FRMPD2: variants seen among roughly 807,000 people sequenced by gnomAD.
The protein encoded by FRMPD2 is FERM and PDZ domain-containing protein 2.
A neutral mutation model predicts 140.1 loss-of-function variants in FRMPD2; 96 were observed. The ratio of observed to expected loss-of-function variants is 0.69; its 90% confidence interval spans 0.58 to 0.81. The LOEUF (loss-of-function observed/expected upper bound fraction) is 0.81, where lower values mean the gene tolerates loss of function less well. Among genes scored for constraint, FRMPD2 ranks in the 40% least tolerant of loss-of-function variants. The pLI is 0.00. For missense variants in FRMPD2, 1,240 were observed against 1,447.4 expected (o/e 0.86, Z 2.32); for synonymous variants, 449 against 547.6 (o/e 0.82, Z 2.52).
In FRMPD2 at chr10:48,249,167, A is replaced by G. The variant is rs539434019; in HGVS notation, c.163T>C (p.Tyr55His). Residue 55 changes from tyrosine to histidine, a missense_variant, in exon 3 of 29, where the codon TAT (tyrosine) becomes CAT (histidine). Around this residue, in one of 6 missense-constraint regions of FRMPD2, gnomAD observed 1,161 missense variants for 1,055.9 expected, o/e 1.10. Transcript: ENST00000374201. ...AGGGCTGACCAGGGGCAAACCACAT[A>G]GTCCGAGGAATCTGAAACCAAGCCA... ...LEDLRNDSSD[Y>H]VVCPWSALLS... 5.0e-6 allele frequency: 8 copies of G among 1,613,906 alleles called. No individual in the cohort carries two copies. Among genetic ancestry groups the G allele is most frequent in the East Asian group, 2.2e-5 (1 of 44,876 alleles).
At chr10:48,249,416 A>C (rs886327215) in intron 2 of FRMPD2, among the ~76,000 whole-genome samples, 1 of 152,234 alleles carries the variant, frequency 6.6e-6, no homozygotes, top group Non-Finnish European at 1.5e-5. Flanking sequence ...TCTGTGGCCC[A>C]AGAGTCTCAA....
chr10:48,224,379 G>C (rs1318048997), intron 10 of FRMPD2, among the ~76,000 whole-genome samples: 1 of 152,210 alleles, frequency 6.6e-6, no homozygotes, highest in Non-Finnish European at 1.5e-5. Flanking sequence ...GGGCACAGGA[G>C]TCCTGCCCAG....
chr10:48,269,985 CTACAAAGAGCTA>C (rs1375599666), intron 1 of FRMPD2, among the ~76,000 whole-genome samples: 2 of 152,136 alleles, frequency 1.3e-5, no homozygotes, highest in East Asian at 3.9e-4. Flanking sequence ...ACAGTGATAT[CTACAAAGAGCTA>C]TACAGCCAGC....
At chr10:48,197,756 G>A (rs947602618) in intron 15 of FRMPD2, among the ~76,000 whole-genome samples, 2 of 152,182 alleles carry the variant, frequency 1.3e-5, no homozygotes, top group East Asian at 1.9e-4. Flanking sequence ...AAGCCAGTGC[G>A]CAGAACCAAG....
chr10:48,240,505 T>G lies in FRMPD2; in HGVS notation c.568-13A>C, dbSNP rs147351963. The G allele has an allele frequency of 2.9e-5, 46 of 1,613,524 alleles. No individual in the cohort carries two copies. The African/African-American group carries it at 5.6e-4, about 20-fold the overall frequency. On this transcript the variant is annotated splice_polypyrimidine_tract_variant and intron_variant, in intron 5 of 28. Transcript: ENST00000374201. ...CTCTTTTCTCCACCTGGGGGTCAAG[T>G]GCATCACACATCCACATCCCAAGAT...
intron 4 of FRMPD2, among the ~76,000 whole-genome samples, chr10:48,244,523 T>G (rs1840200066): frequency 6.6e-6 from 1 of 152,232 alleles, no homozygotes; most frequent in Non-Finnish European, 1.5e-5. Context: ...ATACTTCCTC[T>G]GAGCGGAGAT....
Position 48,189,934 on chromosome 10 carries a change from G to T in FRMPD2, c.2166-2642C>A, listed in dbSNP as rs367553475. 5.3e-5 allele frequency among the ~76,000 whole-genome samples: 8 copies of T among 152,264 alleles called. No individual in the cohort carries two copies. The East Asian group carries it at 1.5e-3, about 29-fold the overall frequency. The stretch of plus-strand genomic sequence containing the variant: ...ATTTAATTCCCACAGCCACCCAGTG[G>T]GGAGGGATGACTATTACTACCACTG... On this transcript the variant is annotated intron_variant, in intron 16 of 28. Coordinates refer to ENST00000374201, the MANE Select transcript of FRMPD2 (RefSeq NM_001018071.4).
chr10:48,254,004 T>C (rs926630969), intron 1 of FRMPD2, among the ~76,000 whole-genome samples: 6 of 151,560 alleles, frequency 4.0e-5, no homozygotes, highest in Non-Finnish European at 7.4e-5. Flanking sequence ...AACTTCCATA[T>C]CAAATATAAC....
chr10:48,193,761 G>A (rs911131640), intron 15 of FRMPD2, among the ~76,000 whole-genome samples: 2 of 152,150 alleles, frequency 1.3e-5, no homozygotes, highest in Admixed American at 6.5e-5. Flanking sequence ...ATGTGTGTGT[G>A]TGTGTGCACA....
At chr10:48,274,346 T>TA (rs1281953726) in intron 1 of FRMPD2, among the ~76,000 whole-genome samples, 197 bp downstream of exon 1, 1 of 152,180 alleles carries the variant, frequency 6.6e-6, no homozygotes, top group East Asian at 1.9e-4. Context: ...TCTTTATTGC[T>TA]AAAAAACAAA....
rs1838929652 is a variant in FRMPD2, at chr10:48,195,461, A to G, written c.1955-2567T>C. Among the ~76,000 whole-genome samples, 3 of 152,368 alleles carry G rather than the reference A, an allele frequency of 2.0e-5. No individual in the cohort carries two copies. In the South Asian group the frequency reaches 6.2e-4, roughly 32 times the overall value. ...AGGACTGCAAAATAAAGCCACAGCG[A>G]GAAATCACTTTTACCTTCAAATGAA... On this transcript the variant is annotated intron_variant, in intron 15 of 28. Coordinates refer to ENST00000374201, the MANE Select transcript of FRMPD2 (RefSeq NM_001018071.4).
rs148821357 is a variant in FRMPD2 at position 48,187,239 on chromosome 10, A to C, written c.2219T>G (p.Met740Arg). The change falls in exon 17 of 29, where the codon ATG becomes AGG. Residue 740 changes from methionine (M) to arginine (R), a missense_variant. Transcript: ENST00000374201. ...LKSACVIQKPMTWDSLSGPPV... is the reference protein window; with the variant it reads ...LKSACVIQKPRTWDSLSGPPV... ...TGGTCCAGAGAGAGAGTCCCAGGTC[A>C]TTGGCTTCTGGATCACACAGGCACT... 8.1e-6 allele frequency: 13 copies of C among 1,614,124 alleles called. No individual in the cohort carries two copies. The African/African-American group carries it at 1.6e-4, about 20-fold the overall frequency.
chr10:48,220,900 C>T (rs1018925521), intron 12 of FRMPD2, among the ~76,000 whole-genome samples: 1 of 152,190 alleles, frequency 6.6e-6, no homozygotes, highest in African/African-American at 2.4e-5. Flanking sequence ...TACCACCTCA[C>T]TCCTGCAAGA....
intron 14 of FRMPD2, among the ~76,000 whole-genome samples, chr10:48,203,650 G>T (rs1485130261): frequency 6.6e-6 from 1 of 151,954 alleles, no homozygotes; most frequent in African/African-American, 2.4e-5. Flanking sequence ...TCACCTGCTT[G>T]ATTATTTGTA....
In FRMPD2 at chr10:48,223,234, A is replaced by G; in HGVS notation, c.1205T>C (p.Leu402Ser). The change falls in exon 11 of 29, where the codon TTG becomes TCG. Residue 402 changes from leucine (L) to serine (S), a missense_variant. This residue lies in a region of FRMPD2 where 1,161 missense variants were observed against 1,055.9 expected (regional missense o/e 1.10). Coordinates refer to ENST00000374201, the MANE Select transcript of FRMPD2 (RefSeq NM_001018071.4). The part of the protein sequence containing the change: ...EFFFLDSETR[L>S]CKIAPEGWRE... ...CCAGCCTTCAGGAGCTATTTTGCACAATCTGGTTTCACTGTCCAGGAAAAA... is the reference window on the plus strand; with the variant it reads ...CCAGCCTTCAGGAGCTATTTTGCACGATCTGGTTTCACTGTCCAGGAAAAA... 1.1e-5 allele frequency: 17 copies of G among 1,613,866 alleles called. No homozygotes were observed. Among genetic ancestry groups the G allele is most frequent in the Non-Finnish European group, 1.1e-5 (13 of 1,179,844 alleles).
Position 48,201,253 on chromosome 10 carries a change from A to G in FRMPD2, c.1929T>C (p.Ser643=). The change falls in exon 15 of 29, where the codon TCT becomes TCC. Residue 643 remains serine (S), a synonymous_variant. Transcript: ENST00000374201. ...AQHGFNAQMG[S]GQPSHVLFDH... is the part of the protein sequence containing the mutation. ...CAAATAAAACATGGGAAGGCTGCCCAGAGCCCATCTGTGCATTAAACCCAT... is the reference window on the plus strand; with the variant it reads ...CAAATAAAACATGGGAAGGCTGCCCGGAGCCCATCTGTGCATTAAACCCAT... 1 of 1,611,794 alleles carries G rather than the reference A, an allele frequency of 6.2e-7. No homozygotes were observed. The highest frequency in any genetic ancestry group is 8.5e-7 in the Non-Finnish European group (1 of 1,178,794).
At chr10:48,255,100 T>C (rs1242386740) in intron 1 of FRMPD2, among the ~76,000 whole-genome samples, 1 of 152,156 alleles carries the variant, frequency 6.6e-6, no homozygotes, top group Non-Finnish European at 1.5e-5. Flanking sequence ...GGGGGGCCCC[T>C]CCACTACCCT....
chr10:48,252,913 C>T (rs1166943933), intron 1 of FRMPD2, among the ~76,000 whole-genome samples: 1 of 150,072 alleles, frequency 6.7e-6, no homozygotes, highest in Non-Finnish European at 1.5e-5. Context: ...CCTTTTCTTT[C>T]GTTTTTTTAT....
intron 8 of FRMPD2, 82 bp downstream of exon 8, chr10:48,237,909 C>A (rs1840006886): frequency 1.3e-6 from 2 of 1,531,488 alleles, no homozygotes; most frequent in Non-Finnish European, 9.0e-7. Context: ...AGACCCTGCC[C>A]ATTTTCAGCC....
Sources: allele counts gnomAD v4.1 joint callset (sites outside exome capture counted in the v4.1 genomes callset), GRCh38; gene constraint gnomAD v4.1.1; regional missense constraint gnomAD v4.1.1; transcripts MANE v1.5; gene names NCBI Gene and HGNC (gene_info 2026-07-23, HGNC 2026-07-21).